Variants in MNAT1 observed in about 807,000 individuals in gnomAD.
The protein encoded by MNAT1 is CDK-activating kinase assembly factor MAT1.
A neutral mutation model predicts 42.0 loss-of-function variants in MNAT1; 43 were observed. The ratio of observed to expected loss-of-function variants is 1.02; its 90% CI spans 0.80 to 1.32. The LOEUF is 1.32. Among genes scored for constraint, MNAT1 ranks in the 40% most tolerant of loss-of-function variants. MNAT1 has a pLI of 0.00. For missense variants in MNAT1, 306 were observed against 350.4 expected, an observed-to-expected ratio of 0.87 and a Z score of 1.01; for synonymous variants, 118 against 120.0, an observed-to-expected ratio of 0.98 and a Z score of 0.11.
chr14:60,853,943 A>G (rs1290197017), intron 6 of MNAT1, among the ~76,000 whole-genome samples: 1 of 151,972 alleles, frequency 6.6e-6, no homozygotes, highest in African/African-American at 2.4e-5. Context: ...TTGAATCTGT[A>G]TATTCCTGGG....
intron 1 of MNAT1, among the ~76,000 whole-genome samples, chr14:60,766,394 T>C (rs539839009): frequency 2.0e-5 from 3 of 151,068 alleles, no homozygotes; most frequent in Non-Finnish European, 4.4e-5. Context: ...CCCTTACTCC[T>C]TTTTTGGGTA....
At chr14:60,919,398 ATCATGAAGC>A (rs1350703308) in intron 7 of MNAT1, 1 of 156,466 alleles carries the variant, frequency 6.4e-6, no homozygotes, top group Non-Finnish European at 1.5e-5. Context: ...TTTGCTGCAC[ATCATGAAGC>A]TAATCTGGCC....
chr14:60,908,774 A>C (rs1335555979), intron 7 of MNAT1, among the ~76,000 whole-genome samples: 1 of 152,234 alleles, frequency 6.6e-6, no homozygotes, highest in Admixed American at 6.5e-5. Flanking sequence ...ATAGTGCCGC[A>C]GTAAACATAC....
intron 7 of MNAT1, among the ~76,000 whole-genome samples, chr14:60,880,913 T>C (rs926048481): frequency 6.6e-6 from 1 of 152,170 alleles, no homozygotes; most frequent in African/African-American, 2.4e-5. Flanking sequence ...AAAATTGAAG[T>C]TTGAAGAGAT....
intron 6 of MNAT1, among the ~76,000 whole-genome samples, chr14:60,836,053 C>T (rs549419741): frequency 5.3e-5 from 8 of 152,186 alleles, no homozygotes; most frequent in Non-Finnish European, 7.4e-5. Context: ...GTATGCCTCA[C>T]GAAGTTCTTG....
chr14:60,791,793 G>A (rs1199301957), intron 1 of MNAT1, among the ~76,000 whole-genome samples: 1 of 151,924 alleles, frequency 6.6e-6, no homozygotes, highest in Admixed American at 6.6e-5. Flanking sequence ...CAAATATCTG[G>A]GCTTTAAGAA....
chr14:60,960,955 CTTTTTTCTTT>C (rs909557963), intron 7 of MNAT1, among the ~76,000 whole-genome samples: 16 of 151,980 alleles, frequency 1.1e-4, no homozygotes, highest in Middle Eastern at 3.2e-3. Flanking sequence ...TTTTTACTTT[CTTTTTTCTTT>C]TTTTTTCTTT....
At chr14:60,938,459 G>A (rs1388909752) in intron 7 of MNAT1, among the ~76,000 whole-genome samples, 1 of 152,088 alleles carries the variant, frequency 6.6e-6, no homozygotes, top group African/African-American at 2.4e-5. Context: ...TTTGTCAAAG[G>A]CCTTTTCTGC....
intron 7 of MNAT1, among the ~76,000 whole-genome samples, chr14:60,947,551 T>C (rs1331536720): frequency 6.6e-6 from 1 of 152,056 alleles, no homozygotes; most frequent in Non-Finnish European, 1.5e-5. Context: ...GGCATGGTGA[T>C]GCGTGCCTAT....
chr14:60,947,207 A>T (rs888750956), intron 7 of MNAT1, among the ~76,000 whole-genome samples: 5 of 152,096 alleles, frequency 3.3e-5, no homozygotes, highest in Non-Finnish European at 5.9e-5. Flanking sequence ...CTGTTTTTTT[A>T]AAAACAATAT....
chr14:60,917,966 C>G (rs2035562325), intron 7 of MNAT1, among the ~76,000 whole-genome samples: 1 of 151,966 alleles, frequency 6.6e-6, no homozygotes, highest in Non-Finnish European at 1.5e-5. Context: ...GCATTTGTAT[C>G]ATCAAAATTC....
chr14:60,750,043 CATAG>C, intron 1 of MNAT1, among the ~76,000 whole-genome samples: 1 of 152,018 alleles, frequency 6.6e-6, no homozygotes, highest in Non-Finnish European at 1.5e-5. Context: ...TGGGCCCTAC[CATAG>C]TCTTTCGAGG....
intron 7 of MNAT1, among the ~76,000 whole-genome samples, chr14:60,906,055 T>C (rs2035191879): frequency 6.6e-6 from 1 of 152,208 alleles, no homozygotes; most frequent in Admixed American, 6.5e-5. Flanking sequence ...TTTTGTAAGA[T>C]GGTATTTTAG....
intron 6 of MNAT1, among the ~76,000 whole-genome samples, chr14:60,869,920 CTTTA>C (rs1366798715): frequency 4.6e-5 from 7 of 152,026 alleles, no homozygotes; most frequent in Non-Finnish European, 8.8e-5. Context: ...ATACTCTGCT[CTTTA>C]TTTGGTGAGA....
chr14:60,918,611 C>T (rs1323713309), intron 7 of MNAT1, among the ~76,000 whole-genome samples: 1 of 151,556 alleles, frequency 6.6e-6, no homozygotes, highest in East Asian at 1.9e-4. Flanking sequence ...AATTATGGTG[C>T]ACAAACATCA....
chr14:60,930,765 A>G (rs2139569227), intron 7 of MNAT1, among the ~76,000 whole-genome samples: 1 of 152,324 alleles, frequency 6.6e-6, no homozygotes, highest in African/African-American at 2.4e-5. Flanking sequence ...TGACTGGAGC[A>G]CAGGGTTTGT....
intron 5 of MNAT1, among the ~76,000 whole-genome samples, chr14:60,816,604 C>G (rs1250647610): frequency 6.6e-6 from 1 of 151,982 alleles, no homozygotes; most frequent in African/African-American, 2.4e-5. Flanking sequence ...TGCCTTCAGG[C>G]AATTAATACA....
At chr14:60,871,359 T>C (rs2034319776) in intron 6 of MNAT1, among the ~76,000 whole-genome samples, 1 of 152,228 alleles carries the variant, frequency 6.6e-6, no homozygotes, top group Non-Finnish European at 1.5e-5. Flanking sequence ...TAAGAAAAAC[T>C]ACTGAACTAA....
At chr14:60,895,911 G>T (rs750022410) in intron 7 of MNAT1, among the ~76,000 whole-genome samples, 4 of 152,110 alleles carry the variant, frequency 2.6e-5, no homozygotes, top group Non-Finnish European at 4.4e-5. Flanking sequence ...GTGGACACAG[G>T]CACTTTCAAG....
Sources: allele counts gnomAD v4.1 joint callset (sites outside exome capture counted in the v4.1 genomes callset), GRCh38; gene constraint gnomAD v4.1.1; transcripts MANE v1.5; gene names NCBI Gene and HGNC (gene_info 2026-07-23, HGNC 2026-07-21).